Variants in RANBP2 observed in about 807,000 individuals in gnomAD.
RANBP2 encodes RAN binding protein 2.
Under a neutral mutation model 303.6 loss-of-function variants are expected in RANBP2, and 57 were observed. That is an observed-to-expected ratio of 0.19 (90% CI 0.15 to 0.23). RANBP2 has a LOEUF of 0.23. Ranked by LOEUF, RANBP2 falls within the 10% of genes least tolerant of loss-of-function variation. The pLI is 1.00. For synonymous variants in RANBP2, 1,167 were observed against 1,301.5 expected (o/e 0.90, Z 2.23); for missense variants, 3,138 against 3,780.8 (o/e 0.83, Z 4.46).
At chr2:109,333,006 T>C in the RANBP2 span, among the ~76,000 whole-genome samples, 1 of 152,226 alleles carries the variant, frequency 6.6e-6, no homozygotes, top group East Asian at 1.9e-4. Flanking sequence ...TGCTGGGTCA[T>C]GTATTCGTCT....
the RANBP2 span, among the ~76,000 whole-genome samples, chr2:109,704,934 C>T: frequency 3.3e-5 from 5 of 152,240 alleles, no homozygotes; most frequent in Non-Finnish European, 7.4e-5. Flanking sequence ...AAGTCAGAAT[C>T]GTACAGGATG....
At chr2:109,251,533 A>G in the RANBP2 span, 2 of 755,876 alleles carry the variant, frequency 2.6e-6, no homozygotes, top group Non-Finnish European at 4.9e-6. Flanking sequence ...TGGTCCCTTT[A>G]TGAATCTTGT....
the RANBP2 span, among the ~76,000 whole-genome samples, chr2:109,650,486 C>T: frequency 5.1e-4 from 78 of 152,234 alleles, 1 homozygote; most frequent in Non-Finnish European, 8.4e-4. Context: ...GTGGGGAGAC[C>T]GGGCAGGGGT....
At chr2:109,351,710 C>T in the RANBP2 span, among the ~76,000 whole-genome samples, 109 of 152,292 alleles carry the variant, frequency 7.2e-4, 1 homozygote, top group East Asian at 9.5e-3. Flanking sequence ...ATGACTGCAG[C>T]GGGGCCCCCA....
the RANBP2 span, among the ~76,000 whole-genome samples, chr2:108,916,549 T>C: frequency 6.6e-6 from 1 of 152,172 alleles, no homozygotes; most frequent in African/African-American, 2.4e-5. Flanking sequence ...GCCTCTATCC[T>C]GATCACCGGA....
At chr2:109,597,210 G>A in the RANBP2 span, among the ~76,000 whole-genome samples, 5 of 152,146 alleles carry the variant, frequency 3.3e-5, no homozygotes, top group Admixed American at 3.3e-4. Flanking sequence ...CAAAGTGATA[G>A]GATTATAGGC....
At chr2:108,902,067 A>T in the RANBP2 span, among the ~76,000 whole-genome samples, 1 of 152,186 alleles carries the variant, frequency 6.6e-6, no homozygotes, top group East Asian at 1.9e-4. Flanking sequence ...GTGAAACCCC[A>T]TATCTACTAA....
chr2:108,813,573 C>T, the RANBP2 span, among the ~76,000 whole-genome samples: 1 of 152,148 alleles, frequency 6.6e-6, no homozygotes, highest in Non-Finnish European at 1.5e-5. Flanking sequence ...TACAACCCAT[C>T]CCTGAATGGA....
At chr2:109,063,706 T>C in the RANBP2 span, among the ~76,000 whole-genome samples, 1 of 152,174 alleles carries the variant, frequency 6.6e-6, no homozygotes, top group Admixed American at 6.5e-5. Flanking sequence ...ACTGATTTTC[T>C]TCCTTAAATG....
At chr2:109,361,086 G>T in the RANBP2 span, among the ~76,000 whole-genome samples, 2 of 152,162 alleles carry the variant, frequency 1.3e-5, no homozygotes, top group South Asian at 4.1e-4. Flanking sequence ...ATATGAGCAT[G>T]TGATTTTTCT....
At chr2:109,320,003 T>C in the RANBP2 span, among the ~76,000 whole-genome samples, 1 of 152,284 alleles carries the variant, frequency 6.6e-6, no homozygotes, top group South Asian at 2.1e-4. Flanking sequence ...GGTGCTATTC[T>C]GGAGGTTCCC....
intron 23 of RANBP2, among the ~76,000 whole-genome samples, chr2:108,775,243 C>T (rs1677798015): frequency 6.6e-6 from 1 of 152,062 alleles, no homozygotes; most frequent in Non-Finnish European, 1.5e-5. Flanking sequence ...GTATATCATT[C>T]TCTTATTGAT....
the RANBP2 span, among the ~76,000 whole-genome samples, chr2:109,223,929 G>A: frequency 1.3e-5 from 2 of 152,238 alleles, no homozygotes. Context: ...TTGAGCCTGG[G>A]GGGTGTGGGT....
the RANBP2 span, among the ~76,000 whole-genome samples, chr2:109,351,242 G>A: frequency 3.9e-5 from 6 of 152,184 alleles, no homozygotes; most frequent in Admixed American, 6.5e-5. Flanking sequence ...CCAGTCACCC[G>A]GGAGGGGCTG....
At chr2:108,859,559 T>C in the RANBP2 span, among the ~76,000 whole-genome samples, 28 of 152,248 alleles carry the variant, frequency 1.8e-4, no homozygotes, top group Non-Finnish European at 3.1e-4. Flanking sequence ...TTGTTCCATC[T>C]TGAGTTAATT....
chr2:109,622,691 G>A, the RANBP2 span, among the ~76,000 whole-genome samples: 1 of 152,160 alleles, frequency 6.6e-6, no homozygotes, highest in Non-Finnish European at 1.5e-5. Flanking sequence ...ACTTGTCTAA[G>A]CACTTAAGCA....
chr2:108,917,770 T>C, the RANBP2 span, among the ~76,000 whole-genome samples: 1 of 152,016 alleles, frequency 6.6e-6, no homozygotes, highest in Non-Finnish European at 1.5e-5. Context: ...ACTACACATA[T>C]AACCCACAAG....
chr2:109,399,179 T>C, the RANBP2 span, among the ~76,000 whole-genome samples: 78,024 of 151,798 alleles, frequency 0.51, 20,439 homozygotes, highest in South Asian at 0.6. Context: ...TGAGCTGATT[T>C]TCAGTGGTCC....
chr2:109,706,291 C>T, the RANBP2 span, among the ~76,000 whole-genome samples: 2 of 152,196 alleles, frequency 1.3e-5, no homozygotes, highest in Non-Finnish European at 1.5e-5. Context: ...AAAGTCTTAT[C>T]GGGAAAGAAG....
Sources: gnomAD v4.1 joint callset for allele counts (sites outside exome capture counted in the v4.1 genomes callset) on GRCh38, gnomAD v4.1.1 for gene constraint, MANE v1.5 for transcripts, NCBI Gene and HGNC (gene_info 2026-07-23, HGNC 2026-07-21) for gene names.